The following RELN variants were observed in gnomAD, a reference collection of about 807,000 sequenced individuals.
The protein encoded by RELN is reelin.
In RELN, 108 loss-of-function variants were observed where a neutral mutation model predicts 427.6. The observed-to-expected ratio is 0.25, with a 90% CI of 0.22 to 0.30. The LOEUF (loss-of-function observed/expected upper bound fraction) is 0.30. Among genes scored for constraint, RELN ranks in the 10% least tolerant of loss-of-function variants. The pLI, the probability that RELN is intolerant of heterozygous loss-of-function variation, is 1.00. For missense variants in RELN, 3,715 were observed against 4,302.8 expected (o/e 0.86, Z 3.82); for synonymous variants, 1,524 against 1,513.4 (o/e 1.01, Z -0.16).
rs776860509 is a variant in RELN at position 103,503,081 on chromosome 7, A to G, written c.8424T>C (p.Ser2808=). The G allele has an allele frequency of 7.4e-6, 12 of 1,614,100 alleles. No individual in the cohort carries two copies. The Admixed American group carries it at 1.8e-4, about 25-fold the overall frequency. Residue 2808 remains serine (S), a synonymous_variant, in exon 52 of 65, where the codon TCT becomes TCC. Transcript: ENST00000428762. Reference sequence around the variant, plus strand: ...TCCACCCTTTAGTTGGAAAGAATACAGATGGCTGAGAAACACTTCCAGAGC... The same window carrying G: ...TCCACCCTTTAGTTGGAAAGAATACGGATGGCTGAGAAACACTTCCAGAGC... The part of the protein sequence containing the change: ...PKCSGSVSQP[S]VFFPTKGWKR...
chr7:103,879,717 T>C (rs1484007347), intron 2 of RELN, among the ~76,000 whole-genome samples: 1 of 152,092 alleles, frequency 6.6e-6, no homozygotes, highest in African/African-American at 2.4e-5. Flanking sequence ...GTGCTGGGAG[T>C]GGGTGGGATA....
Position 103,697,904 on chromosome 7 carries a change from G to A in RELN, c.1092C>T (p.Leu364=), listed in dbSNP as rs142192165. The A allele has an allele frequency of 6.8e-6, 11 of 1,613,586 alleles. No individual in the cohort carries two copies. The highest frequency in any genetic ancestry group is 5.0e-5 in the Admixed American group (3 of 59,908). Residue 364 remains leucine (L), a synonymous_variant, in exon 10 of 65, where the codon CTC becomes CTT. Coordinates refer to ENST00000428762, the MANE Select transcript of RELN (RefSeq NM_005045.4). The part of the protein sequence containing the change: ...AHRQVVLEDS[L]DPVDTGNWLF... ...GCCAGTTGCCTGTGTCCACTGGGTC[G>A]AGACTATCTTCTAAAACGACTTGTC...
intron 6 of RELN, among the ~76,000 whole-genome samples, chr7:103,731,927 T>G (rs765491471): frequency 6.6e-6 from 1 of 152,198 alleles, no homozygotes; most frequent in African/African-American, 2.4e-5. Context: ...AATGTTTACA[T>G]TTTTAAATAC....
At chr7:103,871,497 T>C (rs1395049812) in intron 2 of RELN, among the ~76,000 whole-genome samples, 1 of 152,108 alleles carries the variant, frequency 6.6e-6, no homozygotes, top group Non-Finnish European at 1.5e-5. Flanking sequence ...ACATTTGCCG[T>C]ATTAATAGGA....
intron 3 of RELN, among the ~76,000 whole-genome samples, chr7:103,793,197 A>G (rs1792210410): frequency 6.6e-6 from 1 of 152,202 alleles, no homozygotes; most frequent in Non-Finnish European, 1.5e-5. Context: ...GCCTCAGGAC[A>G]CATTTAGATG....
intron 2 of RELN, among the ~76,000 whole-genome samples, chr7:103,885,688 G>A (rs1794711760): frequency 6.6e-6 from 1 of 152,148 alleles, no homozygotes; most frequent in Non-Finnish European, 1.5e-5. Flanking sequence ...GTATGCCTAT[G>A]TAACAAACCT....
At chr7:103,937,155 G>T (rs1478359077) in intron 1 of RELN, among the ~76,000 whole-genome samples, 4 of 152,098 alleles carry the variant, frequency 2.6e-5, no homozygotes, top group African/African-American at 4.8e-5. Context: ...ATAAATAAAT[G>T]AAAATATCTG....
intron 21 of RELN, 72 bp downstream of exon 21, chr7:103,611,539 T>G (rs1831956333): frequency 8.5e-7 from 1 of 1,181,948 alleles, no homozygotes; most frequent in African/African-American, 1.6e-5. Context: ...AACTGTAATT[T>G]TTTTTTTTTT....
intron 3 of RELN, among the ~76,000 whole-genome samples, chr7:103,780,753 T>G (rs1246442604): frequency 6.6e-6 from 1 of 152,202 alleles, no homozygotes; most frequent in Middle Eastern, 3.2e-3. Flanking sequence ...TATGGCTGCG[T>G]AGTATTCCAT....
chr7:103,483,481 C>T (rs934351069), intron 62 of RELN, among the ~76,000 whole-genome samples, 172 bp downstream of exon 62: 9 of 152,214 alleles, frequency 5.9e-5, no homozygotes, highest in Non-Finnish European at 7.3e-5. Context: ...TTGTCCTAAT[C>T]GAAAACAGTA....
chr7:103,552,800 G>A (rs1188269965), intron 40 of RELN, among the ~76,000 whole-genome samples: 1 of 151,874 alleles, frequency 6.6e-6, no homozygotes, highest in Non-Finnish European at 1.5e-5. Context: ...ACGCCTGGCT[G>A]ATAATAGAAC....
chr7:103,758,108 T>C (rs909752316), intron 4 of RELN, among the ~76,000 whole-genome samples: 28 of 152,204 alleles, frequency 1.8e-4, no homozygotes, highest in African/African-American at 6.8e-4. Flanking sequence ...AATGTATTTG[T>C]GTTTCGATGA....
intron 2 of RELN, among the ~76,000 whole-genome samples, chr7:103,877,753 C>T (rs1293647569): frequency 2.0e-5 from 3 of 152,088 alleles, no homozygotes; most frequent in African/African-American, 2.4e-5. Flanking sequence ...AAACTCCTTC[C>T]AGTTATTCAA....
At chr7:103,680,063 G>A (rs1205819654) in intron 11 of RELN, among the ~76,000 whole-genome samples, 1 of 152,142 alleles carries the variant, frequency 6.6e-6, no homozygotes, top group Non-Finnish European at 1.5e-5. Context: ...TTTTGGGAGA[G>A]AGAACAGCTG....
At chr7:103,682,826 G>A (rs1833683938) in intron 10 of RELN, among the ~76,000 whole-genome samples, 1 of 152,092 alleles carries the variant, frequency 6.6e-6, no homozygotes, top group African/African-American at 2.4e-5. Flanking sequence ...CCTAAAAAGT[G>A]CATACTATCC....
chr7:103,591,638 T>C (rs1831418014), intron 27 of RELN, among the ~76,000 whole-genome samples: 1 of 152,164 alleles, frequency 6.6e-6, no homozygotes, highest in Non-Finnish European at 1.5e-5. Flanking sequence ...ACAGTGGCCT[T>C]TGGTTGGTGT....
Position 103,697,837 on chromosome 7 carries a change from T to C in RELN, c.1143+16A>G, listed in dbSNP as rs149035875. 6.2e-7 allele frequency: 1 copy of C among 1,613,342 alleles called. No individual in the cohort carries two copies. The highest frequency in any genetic ancestry group is 8.5e-7 in the Non-Finnish European group (1 of 1,179,568). On this transcript the variant is annotated intron_variant, in intron 10 of 64. Coordinates refer to ENST00000428762, the MANE Select transcript of RELN (RefSeq NM_005045.4). ...TGAAGGATTAAAACAACCCAAAAAC[T>C]AAAAAGAGCTCTAACCTTAACTGTA...
At chr7:103,657,182 C>T (rs566291377) in intron 12 of RELN, among the ~76,000 whole-genome samples, 2 of 152,112 alleles carry the variant, frequency 1.3e-5, no homozygotes, top group East Asian at 3.9e-4. Flanking sequence ...ATAATGTTTA[C>T]TGTTCAACAA....
rs953430006 is a variant in RELN at position 103,989,644 on chromosome 7, C to T, written c.-288G>A. The T allele has an allele frequency of 3.1e-6, 1 of 321,214 alleles. No homozygotes were observed. Among genetic ancestry groups the T allele is most frequent in the African/African-American group, 2.2e-5 (1 of 45,288 alleles). 19.9% of individuals were successfully genotyped at this position (321,214 alleles called of 1,614,324 possible). A position where few individuals can be genotyped will look rare whatever the true frequency, so the allele number is the denominator to read the frequency against. On this transcript the variant is annotated 5_prime_UTR_variant, in exon 1 of 65. Transcript: ENST00000428762. This position sits in a 1 kb window ranked among gnomAD's most constrained non-coding sequence, Gnocchi z 4.9. The stretch of plus-strand genomic sequence containing the variant: ...CCGCCGCCGCCTCTGCGCGACGCCC[C>T]TCGGCCAGGCCTGGGAAAGCGCCCG...
Sources: gnomAD v4.1 joint callset for allele counts (sites outside exome capture counted in the v4.1 genomes callset) on GRCh38, gnomAD v4.1.1 for gene constraint, Gnocchi (gnomAD v3.1) non-coding constraint, MANE v1.5 for transcripts, NCBI Gene and HGNC (gene_info 2026-07-23, HGNC 2026-07-21) for gene names.